Variants in MACF1 observed in about 807,000 individuals in gnomAD.
The protein encoded by MACF1 is microtubule-actin cross-linking factor 1.
MACF1 carries 193 observed loss-of-function variants against 854.8 expected under a neutral mutation model. That is an observed-to-expected ratio of 0.23 (90% CI 0.20 to 0.25). The LOEUF is 0.25. Among genes scored for constraint, MACF1 ranks in the 10% least tolerant of loss-of-function variants. The pLI is 1.00. For synonymous variants in MACF1, 3,185 were observed against 3,226.7 expected (o/e 0.99, Z 0.44); for missense variants, 7,722 against 8,929.1 (o/e 0.86, Z 5.45).
intron 6 of MACF1, among the ~76,000 whole-genome samples, chr1:39,275,358 G>C (rs901045017): frequency 1.3e-5 from 2 of 151,898 alleles, no homozygotes; most frequent in Non-Finnish European, 2.9e-5. Flanking sequence ...CTGGAATTAC[G>C]GTGTGAGCCA....
chr1:39,417,836 C>A (rs1404628284), intron 58 of MACF1, among the ~76,000 whole-genome samples: 1 of 146,688 alleles, frequency 6.8e-6, no homozygotes, highest in African/African-American at 2.5e-5. Context: ...CCTCGGCGTC[C>A]CAAAGTGCTG....
intron 2 of MACF1, among the ~76,000 whole-genome samples, chr1:39,173,368 A>AAAG (rs1247674584): frequency 2.0e-5 from 3 of 151,320 alleles, no homozygotes; most frequent in East Asian, 1.9e-4. Flanking sequence ...AGAAAGAAAG[A>AAAG]AAAAGCACTG....
In MACF1 at chr1:39,357,505, G is replaced by A. The variant is rs1212650477; in HGVS notation, c.11555G>A (p.Gly3852Glu). The A allele has an allele frequency of 6.2e-7, 1 of 1,614,158 alleles. No individual in the cohort carries two copies. The highest frequency in any genetic ancestry group is 1.7e-5 in the Admixed American group (1 of 60,020). ...CAACAGATGCTGCAACAGAAGCTGG[G>A]AGAGCTAAAGGAACAATACTCTACT... is the stretch of plus-strand genomic sequence containing the variant. The part of the protein sequence containing the change: ...EEQQMLQQKL[G>E]ELKEQYSTSL... The change falls in exon 45 of 101, where the codon GGA becomes GAA. Residue 3852 changes from glycine (G) to glutamate (E), a missense_variant. Physicochemically the swap from Gly to Glu is moderately conservative, Grantham distance 98. This residue lies in a region of MACF1 where 2,807 missense variants were observed against 3,235.8 expected (regional missense o/e 0.87). Transcript: ENST00000564288.
intron 23 of MACF1, among the ~76,000 whole-genome samples, chr1:39,304,031 T>TA (rs974455161): frequency 6.6e-6 from 1 of 151,804 alleles, no homozygotes; most frequent in East Asian, 1.9e-4. Context: ...TTTTTTTTTT[T>TA]AATTATACTT....
rs779441487 is a variant in MACF1, at chr1:39,379,400, C to T, written c.13474C>T (p.Pro4492Ser). ...GAAATCCATGGATGCCATGTCATCT[C>T]CAACCAAGACAGAAACAGTGAAAGC... The part of the protein sequence containing the change: ...VLKSMDAMSS[P>S]TKTETVKAQA... Residue 4492 changes from proline to serine, a missense_variant, in exon 54 of 101, where the codon CCA becomes TCA. By Grantham distance (74) the Pro-to-Ser change is moderately conservative. Transcript: ENST00000564288. 6.2e-7 allele frequency: 1 copy of T among 1,614,034 alleles called. No individual in the cohort carries two copies. The highest frequency in any genetic ancestry group is 1.7e-5 in the Admixed American group (1 of 60,000).
intron 2 of MACF1, among the ~76,000 whole-genome samples, chr1:39,240,204 G>C (rs552228875): frequency 6.6e-6 from 1 of 152,170 alleles, no homozygotes; most frequent in South Asian, 2.1e-4. Context: ...TACTTTTTGC[G>C]TATTCATGTC....
At chr1:39,341,690 C>T (rs1646939049) in intron 40 of MACF1, among the ~76,000 whole-genome samples, 1 of 151,770 alleles carries the variant, frequency 6.6e-6, no homozygotes, top group South Asian at 2.1e-4. Context: ...AAGAACGAAA[C>T]TCCGTCTTAA....
intron 2 of MACF1, among the ~76,000 whole-genome samples, chr1:39,109,570 T>A (rs1642340936): frequency 6.6e-6 from 1 of 152,056 alleles, no homozygotes; most frequent in Admixed American, 6.5e-5. Flanking sequence ...CCATTGCACC[T>A]GGCCTATTTT....
At chr1:39,176,971 G>A (rs978074853) in intron 2 of MACF1, among the ~76,000 whole-genome samples, 1 of 152,040 alleles carries the variant, frequency 6.6e-6, no homozygotes, top group Non-Finnish European at 1.5e-5. Flanking sequence ...TAACAAAAAT[G>A]CTAAGTAATA....
chr1:39,228,507 G>A (rs897697252), intron 1 of MACF1, among the ~76,000 whole-genome samples: 2 of 152,160 alleles, frequency 1.3e-5, no homozygotes, highest in African/African-American at 4.8e-5. Context: ...TGGAAAGGTT[G>A]ATGAAGATGT....
chr1:39,366,137 T>C (rs1648689921), intron 49 of MACF1, among the ~76,000 whole-genome samples: 1 of 152,190 alleles, frequency 6.6e-6, no homozygotes, highest in South Asian at 2.1e-4. Flanking sequence ...AGTTGCACAT[T>C]TATTTTTCTA....
Position 39,333,014 on chromosome 1 carries a change from G to A in MACF1, c.6426G>A (p.Val2142=). 1 of 1,614,106 alleles carries A rather than the reference G, an allele frequency of 6.2e-7. No homozygotes were observed. Among genetic ancestry groups the A allele is most frequent in the African/African-American group, 1.3e-5 (1 of 75,050 alleles). ...LTIPPAEAEG[V]PLVVDKDVFS... is the part of the protein sequence containing the mutation. ...TACCTCCTGCTGAGGCGGAAGGTGTGCCGTTGGTGGTTGACAAAGATGTTT... is the reference window on the plus strand; with the variant it reads ...TACCTCCTGCTGAGGCGGAAGGTGTACCGTTGGTGGTTGACAAAGATGTTT... Residue 2142 remains valine (V), a synonymous_variant, in exon 37 of 101, where the codon GTG becomes GTA. Coordinates refer to ENST00000564288, the MANE Select transcript of MACF1 (RefSeq NM_001394062.1).
chr1:39,194,583 C>G (rs956251792), intron 2 of MACF1, among the ~76,000 whole-genome samples: 2 of 151,606 alleles, frequency 1.3e-5, no homozygotes, highest in Non-Finnish European at 2.9e-5. Context: ...CTTAGGTGAT[C>G]CACCCCGCCT....
In MACF1 at chr1:39,359,355, T is replaced by C. The variant is rs2148514767; in HGVS notation, c.12244+91T>C. 10 of 1,431,040 alleles carry C rather than the reference T, an allele frequency of 7.0e-6. No individual in the cohort carries two copies. In the East Asian group the frequency reaches 2.1e-4, roughly 30 times the overall value. 88.6% of individuals were successfully genotyped at this position (1,431,040 alleles called of 1,614,324 possible). A position where few individuals can be genotyped will look rare whatever the true frequency, so the allele number is the denominator to read the frequency against. The stretch of plus-strand genomic sequence containing the variant: ...TGTCACATTGTGTTGTGCAAATATC[T>C]GTGGTGCCAGGCTAGAGGCTGAGAA... On this transcript the variant is annotated intron_variant, in intron 47 of 100. Transcript: ENST00000564288.
intron 6 of MACF1, among the ~76,000 whole-genome samples, chr1:39,278,555 G>A (rs1645482200): frequency 6.6e-6 from 1 of 152,158 alleles, no homozygotes. Flanking sequence ...ATTTTTGGGT[G>A]AAGAACCCAA....
Position 39,097,021 on chromosome 1 carries a change from T to G in MACF1, c.220+12583T>G, listed in dbSNP as rs566711295. 2.6e-5 allele frequency among the ~76,000 whole-genome samples: 4 copies of G among 151,818 alleles called. No homozygotes were observed. In the South Asian group the frequency reaches 8.3e-4, roughly 32 times the overall value. On this transcript the variant is annotated intron_variant, in intron 2 of 93. Coordinates refer to the MACF1 transcript ENST00000361689. ...CCTCCTGAGTAGCTGGGATTACAGG[T>G]GCCCACCACCACGCCCGGCTAATTT...
At chr1:39,220,326 C>T (rs1274580198) in intron 1 of MACF1, among the ~76,000 whole-genome samples, 1 of 151,458 alleles carries the variant, frequency 6.6e-6, no homozygotes, top group South Asian at 2.1e-4. Context: ...GAGCGCACCA[C>T]CTTGCCTGGC....
chr1:39,276,076 C>CT (rs1645431498), intron 6 of MACF1, among the ~76,000 whole-genome samples: 1 of 152,134 alleles, frequency 6.6e-6, no homozygotes, highest in South Asian at 2.1e-4. Flanking sequence ...AGTACCACCA[C>CT]ACCCAGCTAA....
chr1:39,361,750 C>T lies in MACF1; in HGVS notation c.12771+73C>T, dbSNP rs571221991. 4.5e-5 allele frequency: 64 copies of T among 1,420,810 alleles called. 2 individuals carry two copies. Among genetic ancestry groups the T allele is most frequent in the South Asian group, 4.3e-4 (35 of 81,128 alleles). 88.0% of individuals were successfully genotyped at this position (1,420,810 alleles called of 1,614,324 possible). On this transcript the variant is annotated intron_variant, in intron 49 of 100. Coordinates refer to ENST00000564288, the MANE Select transcript of MACF1 (RefSeq NM_001394062.1). ...AGGGAGAGAACCAGCATTTGCTGAG[C>T]GCATACTACATCAGTCAGTATACTG...
Sources: allele counts gnomAD v4.1 joint callset (sites outside exome capture counted in the v4.1 genomes callset), GRCh38; gene constraint gnomAD v4.1.1; regional missense constraint gnomAD v4.1.1; transcripts MANE v1.5; gene names NCBI Gene and HGNC (gene_info 2026-07-23, HGNC 2026-07-21).